SLC38A9: variants seen among roughly 807,000 people sequenced by gnomAD.
The protein encoded by SLC38A9 is solute carrier family 38 member 9.
SLC38A9 carries 48 observed loss-of-function variants against 62.3 expected under a neutral mutation model. That is an observed-to-expected ratio of 0.77 (90% CI 0.61 to 0.98). The LOEUF (loss-of-function observed/expected upper bound fraction) is 0.98. SLC38A9 is among the 50% of genes least tolerant of loss of function. The pLI is 0.00. For synonymous variants in SLC38A9, 204 were observed against 227.7 expected (o/e 0.90, Z 0.94); for missense variants, 541 against 679.8 (o/e 0.80, Z 2.27).
chr5:55,631,694 CGAA>C (rs1235456433), intron 14 of SLC38A9, among the ~76,000 whole-genome samples: 2 of 152,106 alleles, frequency 1.3e-5, no homozygotes, highest in African/African-American at 4.8e-5. Flanking sequence ...AATTATTTAT[CGAA>C]GAAGCAGACT....
intron 12 of SLC38A9, among the ~76,000 whole-genome samples, chr5:55,638,465 ACT>A (rs1182489120): frequency 1.3e-5 from 2 of 152,142 alleles, no homozygotes; most frequent in African/African-American, 4.8e-5. Context: ...AAGGTAACTG[ACT>A]CTGTCTTGTG....
chr5:55,649,329 T>C lies in SLC38A9; in HGVS notation c.953-15A>G, dbSNP rs771997936. 1 of 1,418,908 alleles carries C rather than the reference T, an allele frequency of 7.0e-7. No individual in the cohort carries two copies. Among genetic ancestry groups the C allele is most frequent in the East Asian group, 2.4e-5 (1 of 42,350 alleles). The allele number at this position is 1,418,908 out of a possible 1,614,324, so 87.9% of individuals were successfully genotyped here. A position where few individuals can be genotyped will look rare whatever the true frequency, so the allele number is the denominator to read the frequency against. Reference sequence around the variant, plus strand: ...AGACACTGTGCCTGTGAGGAAAAAATTCAGAAACCATTTATTATCTTTGTG... The same window carrying C: ...AGACACTGTGCCTGTGAGGAAAAAACTCAGAAACCATTTATTATCTTTGTG... On this transcript the variant is annotated splice_polypyrimidine_tract_variant and intron_variant, in intron 10 of 15. Coordinates refer to ENST00000396865, the MANE Select transcript of SLC38A9 (RefSeq NM_173514.4).
intron 3 of SLC38A9, among the ~76,000 whole-genome samples, chr5:55,695,044 T>A (rs997972153): frequency 6.6e-6 from 1 of 152,132 alleles, no homozygotes; most frequent in Admixed American, 6.5e-5. Flanking sequence ...TGAGCCACCG[T>A]GCGTGGCCCA....
intron 4 of SLC38A9, among the ~76,000 whole-genome samples, chr5:55,670,726 T>C (rs1751172540): frequency 6.6e-6 from 1 of 152,186 alleles, no homozygotes; most frequent in Non-Finnish European, 1.5e-5. Flanking sequence ...TCATCTGGGA[T>C]CTTGGAGGTT....
chr5:55,638,845 GACAAA>G (rs945242889), intron 12 of SLC38A9, among the ~76,000 whole-genome samples: 1 of 152,068 alleles, frequency 6.6e-6, no homozygotes, highest in African/African-American at 2.4e-5. Context: ...ACTAAACACA[GACAAA>G]ACAAAACCAA....
At chr5:55,646,201 C>A (rs1746315288) in intron 11 of SLC38A9, among the ~76,000 whole-genome samples, 1 of 152,156 alleles carries the variant, frequency 6.6e-6, no homozygotes, top group Non-Finnish European at 1.5e-5. Flanking sequence ...CATGGCGAAA[C>A]CTTGTCTTTA....
chr5:55,656,239 T>A (rs551578379), intron 9 of SLC38A9, among the ~76,000 whole-genome samples: 53 of 151,434 alleles, frequency 3.5e-4, no homozygotes, highest in Non-Finnish European at 6.3e-4. Context: ...AAGCTTCAAT[T>A]TATTTTTCCA....
intron 2 of SLC38A9, among the ~76,000 whole-genome samples, chr5:55,703,369 T>C (rs1292346262): frequency 1.3e-5 from 2 of 152,208 alleles, no homozygotes; most frequent in Non-Finnish European, 2.9e-5. Context: ...CAAATTAGCT[T>C]AGTAATAGAT....
intron 2 of SLC38A9, among the ~76,000 whole-genome samples, chr5:55,700,455 C>T (rs1220338736): frequency 1.3e-5 from 2 of 151,398 alleles, no homozygotes; most frequent in Admixed American, 1.3e-4. Flanking sequence ...TTATGTTGTC[C>T]AGATCAACAT....
chr5:55,647,742 T>C (rs980346480), intron 11 of SLC38A9, among the ~76,000 whole-genome samples: 23 of 152,198 alleles, frequency 1.5e-4, no homozygotes, highest in Non-Finnish European at 1.9e-4. Context: ...TTTTTCCCAT[T>C]AACTAACAAA....
rs1472872565 is a variant in SLC38A9 at position 55,626,607 on chromosome 5, T to A, written c.1573A>T (p.Ile525Phe). 3.1e-6 allele frequency: 5 copies of A among 1,613,844 alleles called. No individual in the cohort carries two copies. The highest frequency in any genetic ancestry group is 3.3e-4 in the Middle Eastern group (2 of 6,062). Reference sequence around the variant, plus strand: ...TCTTGGTGGAGGGAAATTATATAGATGAGAGATGGGTATATGAATACAAAG... The same window carrying A: ...TCTTGGTGGAGGGAAATTATATAGAAGAGAGATGGGTATATGAATACAAAG... ...LAFVFIYPSL[I>F]YIISLHQEER... The change falls in exon 16 of 16, where the codon ATC becomes TTC. Residue 525 changes from isoleucine (I) to phenylalanine (F), a missense_variant. Physicochemically the swap from Ile to Phe is conservative, Grantham distance 21. Coordinates refer to ENST00000396865, the MANE Select transcript of SLC38A9 (RefSeq NM_173514.4).
At chr5:55,633,620 C>G (rs1743888561) in intron 14 of SLC38A9, 134 bp downstream of exon 14, 1 of 1,209,832 alleles carries the variant, frequency 8.3e-7, no homozygotes, top group Admixed American at 2.5e-5. Flanking sequence ...GAAGAGGACA[C>G]CAATGATCTA....
intron 11 of SLC38A9, among the ~76,000 whole-genome samples, chr5:55,647,346 T>G (rs1746562523): frequency 6.6e-6 from 1 of 152,182 alleles, no homozygotes; most frequent in Admixed American, 6.6e-5. Context: ...AATGATTTTA[T>G]GTAGAATAAA....
intron 8 of SLC38A9, among the ~76,000 whole-genome samples, chr5:55,661,768 G>C (rs1039208479): frequency 9.9e-5 from 15 of 152,140 alleles, no homozygotes; most frequent in Non-Finnish European, 1.9e-4. Flanking sequence ...CCACTAATTA[G>C]AAGATATTTG....
At chr5:55,657,428 T>G (rs1748643493) in intron 8 of SLC38A9, among the ~76,000 whole-genome samples, 1 of 151,958 alleles carries the variant, frequency 6.6e-6, no homozygotes, top group African/African-American at 2.4e-5. Context: ...AGTACAGTTC[T>G]AAAGTGTGCA....
chr5:55,675,124 A>G (rs1751898403), intron 3 of SLC38A9: 1 of 152,238 alleles, frequency 6.6e-6, no homozygotes, highest in Admixed American at 6.5e-5. Context: ...CTAGCCTTTT[A>G]CTTTAAAAAT....
intron 13 of SLC38A9, chr5:55,634,973 T>C (rs1305193666): frequency 6.7e-6 from 1 of 150,132 alleles, no homozygotes; most frequent in Non-Finnish European, 1.5e-5. Context: ...ACTCTGTCTC[T>C]CTTTTTTTTT....
chr5:55,669,013 C>G, intron 7 of SLC38A9: 2 of 334,868 alleles, frequency 6.0e-6, no homozygotes. Context: ...AGTGAATGCA[C>G]TCTGCAAATA....
rs142054961 is a variant in SLC38A9, at chr5:55,708,644, A to T, written c.-35+2808T>A. ...TTATATATGTTCTTTCTCAGAGACT[A>T]AAAATGAATATTACTGAATACTTTT... On this transcript the variant is annotated intron_variant, in intron 2 of 15. Coordinates refer to ENST00000396865, the MANE Select transcript of SLC38A9 (RefSeq NM_173514.4). Among the ~76,000 whole-genome samples the T allele has an allele frequency of 3.8e-3, 586 of 152,366 alleles. 4 individuals are homozygous for T. The highest frequency in any genetic ancestry group is 0.013 in the African/African-American group (552 of 41,584).
Sources: allele counts gnomAD v4.1 joint callset (sites outside exome capture counted in the v4.1 genomes callset), GRCh38; gene constraint gnomAD v4.1.1; transcripts MANE v1.5; gene names NCBI Gene and HGNC (gene_info 2026-07-23, HGNC 2026-07-21).